Variants in CCDC88C observed in about 807,000 individuals in gnomAD.
The protein encoded by CCDC88C is protein Daple.
In CCDC88C, 131 loss-of-function variants were observed where a neutral mutation model predicts 198.8. The ratio of observed to expected loss-of-function variants is 0.66; its 90% CI spans 0.57 to 0.76. The LOEUF (loss-of-function observed/expected upper bound fraction) is 0.76, where lower values mean the gene tolerates loss of function less well. CCDC88C is among the 30% of genes least tolerant of loss of function. CCDC88C has a pLI of 0.00. For synonymous variants in CCDC88C, 1,166 were observed against 1,114.7 expected (o/e 1.05, Z -0.92); for missense variants, 2,553 against 2,631.6 (o/e 0.97, Z 0.65).
chr14:91,292,008 T>A (rs2139748613), intron 23 of CCDC88C, among the ~76,000 whole-genome samples: 2 of 152,170 alleles, frequency 1.3e-5, no homozygotes, highest in South Asian at 2.1e-4. Context: ...CGCTGGGTGG[T>A]CTTGAGAGCC....
intron 10 of CCDC88C, 89 bp from the exon 11 acceptor site, chr14:91,326,145 T>C (rs1892575184): frequency 1.6e-6 from 2 of 1,232,490 alleles, no homozygotes; most frequent in Non-Finnish European, 2.3e-6. Context: ...CTTTCAGGCA[T>C]CTGGACCCAA....
intron 3 of CCDC88C, among the ~76,000 whole-genome samples, chr14:91,393,609 ACTCGC>A: frequency 6.6e-6 from 1 of 152,130 alleles, no homozygotes; most frequent in Non-Finnish European, 1.5e-5. Context: ...AGCTTGGGAT[ACTCGC>A]CTCTGCAACT....
At chr14:91,410,925 C>T (rs1402906536) in intron 2 of CCDC88C, among the ~76,000 whole-genome samples, 2 of 152,174 alleles carry the variant, frequency 1.3e-5, no homozygotes, top group Non-Finnish European at 2.9e-5. Flanking sequence ...CCAGCACGTG[C>T]AAAGGCATAG....
At position 91,342,403 on chromosome 14, in the gene CCDC88C, C is replaced by A; in HGVS notation, c.460G>T (p.Gly154Cys). The change falls in exon 6 of 30, where the codon GGC becomes TGC. Residue 154 changes from glycine to cysteine, a missense_variant. Transcript: ENST00000389857. ...IKQLDIETQA[G>C]IVAHIQEVTH... ...ACCTCCTGGATATGGGCCACGATGC[C>A]AGCCTGGGTCTCAATGTCCAGCTGT... The A allele has an allele frequency of 6.3e-7, 1 of 1,595,542 alleles. No homozygotes were observed. The highest frequency in any genetic ancestry group is 8.5e-7 in the Non-Finnish European group (1 of 1,170,940).
Position 91,300,000 on chromosome 14 carries a change from C to T in CCDC88C, c.3706G>A (p.Ala1236Thr). Residue 1236 changes from alanine to threonine, a missense_variant, in exon 21 of 30, where the codon GCG (alanine) becomes ACG (threonine). Physicochemically the swap from Ala to Thr is moderately conservative, Grantham distance 58. Around this residue, in one of 2 missense-constraint regions of CCDC88C, gnomAD observed 1,293 missense variants for 1,219.6 expected, o/e 1.06. Coordinates refer to ENST00000389857, the MANE Select transcript of CCDC88C (RefSeq NM_001080414.4). ...TTTGTCCTCTGCTCCTGCTGCAGCG[C>T]CTCTCGCTCAGTGGTCAAGACCTTC... ...REKVLTTERE[A>T]LQQEQRTNAL... is the part of the protein sequence containing the mutation. 6.3e-7 allele frequency: 1 copy of T among 1,599,582 alleles called. No individual in the cohort carries two copies. The highest frequency in any genetic ancestry group is 8.5e-7 in the Non-Finnish European group (1 of 1,173,580).
In CCDC88C at chr14:91,278,228, G is replaced by A. The variant is rs1890049584; in HGVS notation, c.4769-17C>T. On this transcript the variant is annotated splice_polypyrimidine_tract_variant and intron_variant, in intron 28 of 29. Coordinates refer to ENST00000389857, the MANE Select transcript of CCDC88C (RefSeq NM_001080414.4). ...CGGAGGAGCCTGGGTGTCAGGGCAG[G>A]AGACAGAGGACCCTCATCAGTCTTG... 3 of 1,577,788 alleles carry A rather than the reference G, an allele frequency of 1.9e-6. No individual in the cohort carries two copies. Among genetic ancestry groups the A allele is most frequent in the African/African-American group, 1.3e-5 (1 of 74,330 alleles).
intron 3 of CCDC88C, among the ~76,000 whole-genome samples, chr14:91,388,065 C>T (rs1885252171): frequency 6.6e-6 from 1 of 152,208 alleles, no homozygotes; most frequent in Non-Finnish European, 1.5e-5. Context: ...CAAGCTTGAA[C>T]ATTCCACTGC....
At chr14:91,364,455 A>T (rs1011042133) in intron 3 of CCDC88C, among the ~76,000 whole-genome samples, 1 of 152,182 alleles carries the variant, frequency 6.6e-6, no homozygotes. Flanking sequence ...AGGCAGGTGC[A>T]TTTGTGTTTT....
intron 3 of CCDC88C, among the ~76,000 whole-genome samples, chr14:91,387,633 C>T (rs920886330): frequency 1.3e-5 from 2 of 152,170 alleles, no homozygotes; most frequent in African/African-American, 2.4e-5. Context: ...CTCCTCCCGT[C>T]GCTCTGACCA....
intron 4 of CCDC88C, among the ~76,000 whole-genome samples, chr14:91,350,636 A>G (rs2139884894): frequency 6.6e-6 from 1 of 152,282 alleles, no homozygotes; most frequent in Non-Finnish European, 1.5e-5. Flanking sequence ...ATGTCTCTCC[A>G]CAGACGAACA....
At position 91,272,501 on chromosome 14, in the gene CCDC88C, G is replaced by T. The variant is rs1246757981; in HGVS notation, c.*124C>A. The stretch of plus-strand genomic sequence containing the variant: ...CATTCACAGAACAAACAGCAGAAAT[G>T]CGTGGGAACCCCTTTCCTCATTCCA... On this transcript the variant is annotated 3_prime_UTR_variant, in exon 30 of 30. Coordinates refer to ENST00000389857, the MANE Select transcript of CCDC88C (RefSeq NM_001080414.4). 2 of 963,814 alleles carry T rather than the reference G, an allele frequency of 2.1e-6. No homozygotes were observed. The highest frequency in any genetic ancestry group is 1.6e-5 in the African/African-American group (1 of 61,112). 59.7% of individuals were successfully genotyped at this position (963,814 alleles called of 1,614,324 possible).
Position 91,338,401 on chromosome 14 carries a change from C to T in CCDC88C, c.891+88G>A. ...GCTCTTGTGTGGCTTAAAAGCGCTGCTGTTGAGCTCCTGACCCTCCAGGCC... is the reference window on the plus strand; with the variant it reads ...GCTCTTGTGTGGCTTAAAAGCGCTGTTGTTGAGCTCCTGACCCTCCAGGCC... On this transcript the variant is annotated intron_variant, in intron 9 of 29. Transcript: ENST00000389857. This position sits in a 1 kb window ranked among gnomAD's most constrained non-coding sequence, Gnocchi z 4.8. 8.4e-7 allele frequency: 1 copy of T among 1,190,000 alleles called. No homozygotes were observed. The highest frequency in any genetic ancestry group is 1.2e-6 in the Non-Finnish European group (1 of 820,550). The allele number at this position is 1,190,000 out of a possible 1,614,324, so 73.7% of individuals were successfully genotyped here. A position where few individuals can be genotyped will look rare whatever the true frequency, so the allele number is the denominator to read the frequency against.
intron 24 of CCDC88C, among the ~76,000 whole-genome samples, chr14:91,290,323 A>C (rs1890606470): frequency 6.6e-6 from 1 of 152,014 alleles, no homozygotes; most frequent in African/African-American, 2.4e-5. Context: ...AAAACCAAAA[A>C]CAGACTGAGG....
chr14:91,329,726 A>C (rs1187313035), intron 10 of CCDC88C, among the ~76,000 whole-genome samples: 1 of 152,244 alleles, frequency 6.6e-6, no homozygotes, highest in East Asian at 1.9e-4. Context: ...AGGAACTGCC[A>C]GTGGCTGCTA....
At chr14:91,376,243 T>C (rs907139421) in intron 3 of CCDC88C, among the ~76,000 whole-genome samples, 12 of 152,160 alleles carry the variant, frequency 7.9e-5, no homozygotes, top group African/African-American at 2.4e-4. Context: ...TCGCCGGGCA[T>C]ATGCATGTCT....
intron 2 of CCDC88C, among the ~76,000 whole-genome samples, chr14:91,412,319 C>T (rs891711903): frequency 2.6e-5 from 4 of 152,032 alleles, no homozygotes; most frequent in Non-Finnish European, 5.9e-5. Flanking sequence ...AGATAACATT[C>T]GGAAGGCACT....
At chr14:91,414,882 G>A (rs140146870) in intron 2 of CCDC88C, among the ~76,000 whole-genome samples, 6 of 152,126 alleles carry the variant, frequency 3.9e-5, no homozygotes, top group African/African-American at 9.6e-5. Flanking sequence ...ACACCACCCC[G>A]GCCGAATTTA....
At position 91,271,820 on chromosome 14, in the gene CCDC88C, G is replaced by A. The variant is rs1889746588; in HGVS notation, c.*805C>T. The A allele has an allele frequency of 6.5e-6, 1 of 152,680 alleles. No homozygotes were observed. Among genetic ancestry groups the A allele is most frequent in the South Asian group, 2.1e-4 (1 of 4,832 alleles). 9.5% of individuals were successfully genotyped at this position (152,680 alleles called of 1,614,324 possible). The stretch of plus-strand genomic sequence containing the variant: ...TGTGCGGATGACCCCTCGGTGCACT[G>A]TGCACACTGGCCTGGAGGGGGCTGG... On this transcript the variant is annotated 3_prime_UTR_variant, in exon 30 of 30. Transcript: ENST00000389857.
intron 3 of CCDC88C, among the ~76,000 whole-genome samples, chr14:91,380,336 C>A (rs8015982): frequency 0.71 from 107,330 of 152,122 alleles, 38,362 homozygotes; most frequent in Non-Finnish European, 0.76. Context: ...CCCAAGAACA[C>A]AGTGCTGGTG....
Sources: gnomAD v4.1 joint callset for allele counts (sites outside exome capture counted in the v4.1 genomes callset) on GRCh38, gnomAD v4.1.1 for gene constraint, gnomAD v4.1.1 regional missense constraint, Gnocchi (gnomAD v3.1) non-coding constraint, MANE v1.5 for transcripts, NCBI Gene and HGNC (gene_info 2026-07-23, HGNC 2026-07-21) for gene names.